The following CENPB variants were observed in gnomAD, a reference collection of about 807,000 sequenced individuals.
CENPB encodes the protein centromere protein B.
CENPB carries 19 observed loss-of-function variants against 41.9 expected under a neutral mutation model. The observed-to-expected ratio is 0.45, with a 90% CI of 0.32 to 0.67. CENPB has a LOEUF of 0.67. CENPB is among the 30% of genes least tolerant of loss of function. The pLI, the probability that CENPB is intolerant of heterozygous loss-of-function variation, is 0.04. For missense variants in CENPB, 614 were observed against 816.2 expected (o/e 0.75, Z 3.02); for synonymous variants, 399 against 354.4 (o/e 1.13, Z -1.41).
Position 3,784,540 on chromosome 20 carries a change from G to A in CENPB, c.*144C>T, listed in dbSNP as rs975214960. ...AGCCCCGGGCCCGGCCGAGGTGACC[G>A]GGCCTGTTGCAGGACCAGGGGAAGC... On this transcript the variant is annotated 3_prime_UTR_variant, in exon 1 of 1. Coordinates refer to ENST00000379751, the MANE Select transcript of CENPB (RefSeq NM_001810.6). The surrounding 1 kb of genome is among the most constrained non-coding windows in gnomAD (Gnocchi z 5.2). The A allele has an allele frequency of 5.3e-5, 50 of 950,622 alleles. No individual in the cohort carries two copies. The highest frequency in any genetic ancestry group is 1.5e-4 in the East Asian group (6 of 40,808). 58.9% of individuals were successfully genotyped at this position (950,622 alleles called of 1,614,324 possible).
At position 3,785,185 on chromosome 20, in the gene CENPB, C is replaced by T. The variant is rs755554073; in HGVS notation, c.1299G>A (p.Glu433=). The T allele has an allele frequency of 7.7e-6, 10 of 1,298,194 alleles. No homozygotes were observed. The highest frequency in any genetic ancestry group is 1.0e-5 in the Non-Finnish European group (10 of 984,428). 80.4% of individuals were successfully genotyped at this position (1,298,194 alleles called of 1,614,324 possible). The stretch of plus-strand genomic sequence containing the variant: ...ATTCCTCTCCTTCCCCCCCTTCCTC[C>T]TCCTCCTCCTCCCCTTCCTCCTCCT... ...EEEEEEGEEE[E]EEGGEGEELG... is the part of the protein sequence containing the mutation. Residue 433 remains glutamate (E), a synonymous_variant, in exon 1 of 1, where the codon GAG becomes GAA. Transcript: ENST00000379751.
Position 3,784,798 on chromosome 20 carries a change from G to A in CENPB, c.1686C>T (p.Pro562=), listed in dbSNP as rs1304837914. 6.2e-7 allele frequency: 1 copy of A among 1,614,150 alleles called. No individual in the cohort carries two copies. Among genetic ancestry groups the A allele is most frequent in the Non-Finnish European group, 8.5e-7 (1 of 1,180,010 alleles). The change falls in exon 1 of 1, where the codon CCC becomes CCT. Residue 562 remains proline, a synonymous_variant. Coordinates refer to ENST00000379751, the MANE Select transcript of CENPB (RefSeq NM_001810.6). This position sits in a 1 kb window ranked among gnomAD's most constrained non-coding sequence, Gnocchi z 5.2. Reference sequence around the variant, plus strand: ...TGTGGCTCTGCACGCGGTCATCAATGGGGAAGGAGGTCAGGTACCTCTTGA... The same window carrying A: ...TGTGGCTCTGCACGCGGTCATCAATAGGGAAGGAGGTCAGGTACCTCTTGA... ...AMVKRYLTSF[P]IDDRVQSHIL... is the part of the protein sequence containing the mutation.
Position 3,784,634 on chromosome 20 carries a change from C to A in CENPB, c.*50G>T. ...GCGGGTGCCCAGAGAGTCCTCTGCC[C>A]TGGGGTGGTGCTGCCAATCTAGGTT... On this transcript the variant is annotated 3_prime_UTR_variant, in exon 1 of 1. Coordinates refer to ENST00000379751, the MANE Select transcript of CENPB (RefSeq NM_001810.6). The surrounding 1 kb of genome is among the most constrained non-coding windows in gnomAD (Gnocchi z 5.2). 6.2e-7 allele frequency: 1 copy of A among 1,600,914 alleles called. No homozygotes were observed. The highest frequency in any genetic ancestry group is 8.5e-7 in the Non-Finnish European group (1 of 1,172,984).
chr20:3,785,247 C>T lies in CENPB; in HGVS notation c.1237G>A (p.Glu413Lys), dbSNP rs768121518. The change falls in exon 1 of 1, where the codon GAA becomes AAA. Residue 413 changes from glutamate (E) to lysine (K), a missense_variant. By Grantham distance (56) the Glu-to-Lys change is moderately conservative. Around this residue, in one of 2 missense-constraint regions of CENPB, gnomAD observed 537 missense variants for 629.4 expected, o/e 0.85. Transcript: ENST00000379751. The part of the protein sequence containing the change: ...SEGEEEEEEE[E>K]EEEEEEGEGE... Reference sequence around the variant, plus strand: ...TCACCCTCTTCCTCCTCCTCTTCTTCCTCCTCCTCCTCCTCTTCCTCTCCC... The same window carrying T: ...TCACCCTCTTCCTCCTCCTCTTCTTTCTCCTCCTCCTCCTCTTCCTCTCCC... The T allele has an allele frequency of 2.8e-6, 4 of 1,454,376 alleles. No individual in the cohort carries two copies. In the African/African-American group the frequency reaches 4.4e-5, roughly 16 times the overall value. 90.1% of individuals were successfully genotyped at this position (1,454,376 alleles called of 1,614,324 possible). A position where few individuals can be genotyped will look rare whatever the true frequency, so the allele number is the denominator to read the frequency against.
chr20:3,785,716 G>T lies in CENPB; in HGVS notation c.768C>A (p.Gly256=). 2 of 1,606,166 alleles carry T rather than the reference G, an allele frequency of 1.2e-6. No homozygotes were observed. The highest frequency in any genetic ancestry group is 2.2e-5 in the South Asian group (2 of 90,552). The part of the protein sequence containing the change: ...KSAKPRAGQA[G]LPCDYTANSK... ...AGTTGGCGGTGTAGTCGCAGGGCAGGCCGGCTTGGCCTGCGCGGGGCTTGG... is the reference window on the plus strand; with the variant it reads ...AGTTGGCGGTGTAGTCGCAGGGCAGTCCGGCTTGGCCTGCGCGGGGCTTGG... The change falls in exon 1 of 1, where the codon GGC becomes GGA. Residue 256 remains glycine, a synonymous_variant. Coordinates refer to ENST00000379751, the MANE Select transcript of CENPB (RefSeq NM_001810.6).
rs2088826423 is a variant in CENPB, at chr20:3,786,496, CCCGCCCCGGGGCCCGGCGCCGCCGCCG to C, written c.-40_-14del. ...TCTTGGGGCCCATCCCGGCGCGCCC[CCCGCCCCGGGGCCCGGCGCCGCCGCCG>C]CCGCCCCGGGGCGGGGGGCCCGGGC... On this transcript the variant is annotated 5_prime_UTR_variant, in exon 1 of 1. Coordinates refer to ENST00000379751, the MANE Select transcript of CENPB (RefSeq NM_001810.6). 1 of 1,172,292 alleles carries C rather than the reference CCCGCCCCGGGGCCCGGCGCCGCCGCCG, an allele frequency of 8.5e-7. No homozygotes were observed. Among genetic ancestry groups the C allele is most frequent in the Non-Finnish European group, 1.1e-6 (1 of 913,000 alleles). The allele number at this position is 1,172,292 out of a possible 1,614,324, so 72.6% of individuals were successfully genotyped here.
rs746568860 is a variant in CENPB at position 3,784,997 on chromosome 20, G to A, written c.1487C>T (p.Ala496Val). The change falls in exon 1 of 1, where the codon GCC becomes GTC. Residue 496 changes from alanine (A) to valine (V), a missense_variant. Coordinates refer to ENST00000379751, the MANE Select transcript of CENPB (RefSeq NM_001810.6). This position sits in a 1 kb window ranked among gnomAD's most constrained non-coding sequence, Gnocchi z 5.2. ...CAGGAAATGCAGAGTAGGGCACTGG[G>A]CTTCCTCCTGGGCACCATAAGCCCC... ...SFGAYGAQEE[A>V]QCPTLHFLEG... 2 of 1,613,878 alleles carry A rather than the reference G, an allele frequency of 1.2e-6. No homozygotes were observed. The highest frequency in any genetic ancestry group is 1.1e-5 in the South Asian group (1 of 91,068).
chr20:3,785,632 T>G lies in CENPB; in HGVS notation c.852A>C (p.Arg284=), dbSNP rs777182348. ...GGACCCGGCGAGACTCTGCAGCCAT[T>G]CGGGTGTCCAAGGCCTTCAAGTACT... ...LAKYLKALDT[R]MAAESRRVLL... is the part of the protein sequence containing the mutation. Residue 284 remains arginine, a synonymous_variant, in exon 1 of 1, where the codon CGA becomes CGC. Transcript: ENST00000379751. 3 of 1,605,886 alleles carry G rather than the reference T, an allele frequency of 1.9e-6. No homozygotes were observed. The highest frequency in any genetic ancestry group is 1.1e-5 in the South Asian group (1 of 90,100).
At position 3,784,755 on chromosome 20, in the gene CENPB, C is replaced by G; in HGVS notation, c.1729G>C (p.Asp577His). The change falls in exon 1 of 1, where the codon GAT becomes CAT. Residue 577 changes from aspartate (D) to histidine (H), a missense_variant. This residue lies in a region of CENPB where 537 missense variants were observed against 629.4 expected (regional missense o/e 0.85). Transcript: ENST00000379751. This position sits in a 1 kb window ranked among gnomAD's most constrained non-coding sequence, Gnocchi z 5.2. ...VQSHILHLEHDLVHVTRKNHA... is the reference protein window; with the variant it reads ...VQSHILHLEHHLVHVTRKNHA... ...TTCTTCCTGGTCACATGAACCAGAT[C>G]GTGTTCCAAGTGGAGGATGTGGCTC... The G allele has an allele frequency of 1.9e-6, 3 of 1,614,110 alleles. No individual in the cohort carries two copies. Among genetic ancestry groups the G allele is most frequent in the Non-Finnish European group, 2.5e-6 (3 of 1,180,020 alleles).
chr20:3,784,900 GTCT>G lies in CENPB; in HGVS notation c.1581_1583del (p.Glu527del), dbSNP rs751187420. The G allele has an allele frequency of 1.4e-5, 23 of 1,613,814 alleles. No individual in the cohort carries two copies. Among genetic ancestry groups the G allele is most frequent in the African/African-American group, 1.2e-4 (9 of 74,946 alleles). ...CACCATCCTCCTCATCATCATCGTC[GTCT>G]TCATCTTCATCATCCTCTTCCTCAT... is the stretch of plus-strand genomic sequence containing the variant. On this transcript the variant is annotated inframe_deletion, in exon 1 of 1. Coordinates refer to ENST00000379751, the MANE Select transcript of CENPB (RefSeq NM_001810.6). The surrounding 1 kb of genome is among the most constrained non-coding windows in gnomAD (Gnocchi z 5.2).
Position 3,784,785 on chromosome 20 carries a change from C to A in CENPB, c.1699G>T (p.Val567Leu), listed in dbSNP as rs2088802008. Residue 567 changes from valine to leucine, a missense_variant, in exon 1 of 1, where the codon GTG (valine) becomes TTG (leucine). By Grantham distance (32) the Val-to-Leu change is conservative (BLOSUM62 1). Transcript: ENST00000379751. This position sits in a 1 kb window ranked among gnomAD's most constrained non-coding sequence, Gnocchi z 5.2. ...TCCAAGTGGAGGATGTGGCTCTGCA[C>A]GCGGTCATCAATGGGGAAGGAGGTC... is the stretch of plus-strand genomic sequence containing the variant. Reference protein sequence around the residue: ...YLTSFPIDDRVQSHILHLEHD... With the variant: ...YLTSFPIDDRLQSHILHLEHD... The A allele has an allele frequency of 1.2e-6, 2 of 1,614,100 alleles. No homozygotes were observed. The highest frequency in any genetic ancestry group is 1.7e-6 in the Non-Finnish European group (2 of 1,180,010).
Position 3,786,549 on chromosome 20 carries a change from C to T in CENPB, c.-66G>A. 1 of 468,942 alleles carries T rather than the reference C, an allele frequency of 2.1e-6. No individual in the cohort carries two copies. The highest frequency in any genetic ancestry group is 2.8e-6 in the Non-Finnish European group (1 of 362,566). The allele number at this position is 468,942 out of a possible 1,614,324, so 29.0% of individuals were successfully genotyped here. A position where few individuals can be genotyped will look rare whatever the true frequency, so the allele number is the denominator to read the frequency against. ...CCGCCCCGGGGCGGGGGGCCCGGGC[C>T]CGTGGCGGGGGGCACCTGGCGGCCT... is the stretch of plus-strand genomic sequence containing the variant. On this transcript the variant is annotated 5_prime_UTR_variant, in exon 1 of 1. Transcript: ENST00000379751.
chr20:3,785,194 CTCCCCT>C lies in CENPB; in HGVS notation c.1284_1289del (p.Gly429_Glu430del). On this transcript the variant is annotated inframe_deletion, in exon 1 of 1. Coordinates refer to ENST00000379751, the MANE Select transcript of CENPB (RefSeq NM_001810.6). Reference sequence around the variant, plus strand: ...CTTCCCCCCCTTCCTCCTCCTCCTCCTCCCCTTCCTCCTCCTCTTCCTCTCCTTCAC... The same window carrying C: ...CTTCCCCCCCTTCCTCCTCCTCCTCCTCCTCCTCCTCTTCCTCTCCTTCAC... 1 of 1,330,018 alleles carries C rather than the reference CTCCCCT, an allele frequency of 7.5e-7. No homozygotes were observed. The allele number at this position is 1,330,018 out of a possible 1,614,324, so 82.4% of individuals were successfully genotyped here.
At position 3,785,776 on chromosome 20, in the gene CENPB, G is replaced by A. The variant is rs1483352923; in HGVS notation, c.708C>T (p.Ser236=). The A allele has an allele frequency of 3.1e-6, 5 of 1,609,234 alleles. No individual in the cohort carries two copies. The highest frequency in any genetic ancestry group is 1.7e-5 in the Admixed American group (1 of 59,700). The change falls in exon 1 of 1, where the codon AGC becomes AGT. Residue 236 remains serine (S), a synonymous_variant. Coordinates refer to ENST00000379751, the MANE Select transcript of CENPB (RefSeq NM_001810.6). ...SVLLCANADG[S]EKLPPLVAGK... ...CGGCCACCAGCGGGGGCAGCTTCTCGCTGCCGTCGGCATTGGCGCATAGCA... is the reference window on the plus strand; with the variant it reads ...CGGCCACCAGCGGGGGCAGCTTCTCACTGCCGTCGGCATTGGCGCATAGCA...
Position 3,785,554 on chromosome 20 carries a change from C to T in CENPB, c.930G>A (p.Arg310=), listed in dbSNP as rs778796408. Residue 310 remains arginine (R), a synonymous_variant, in exon 1 of 1, where the codon CGG becomes CGA. Coordinates refer to ENST00000379751, the MANE Select transcript of CENPB (RefSeq NM_001810.6). The stretch of plus-strand genomic sequence containing the variant: ...GAGGGAAGAAGGCCAGCTGCACATG[C>T]CGCAGGCCCGAGGTGTCCAAGGACT... ...AAQSLDTSGL[R]HVQLAFFPPG... is the part of the protein sequence containing the mutation. The T allele has an allele frequency of 3.8e-6, 6 of 1,598,584 alleles. No homozygotes were observed. The highest frequency in any genetic ancestry group is 2.3e-5 in the East Asian group (1 of 44,126).
chr20:3,785,806 G>A lies in CENPB; in HGVS notation c.678C>T (p.Ser226=). ...CGTCGGCATTGGCGCATAGCAGGAC[G>A]CTCAGGCGCTGGGTGGCTTGACGCG... ...GRPRQATQRL[S]VLLCANADGS... is the part of the protein sequence containing the mutation. Residue 226 remains serine (S), a synonymous_variant, in exon 1 of 1, where the codon AGC becomes AGT. Coordinates refer to ENST00000379751, the MANE Select transcript of CENPB (RefSeq NM_001810.6). 1 of 1,609,500 alleles carries A rather than the reference G, an allele frequency of 6.2e-7. No individual in the cohort carries two copies. Among genetic ancestry groups the A allele is most frequent in the Non-Finnish European group, 8.5e-7 (1 of 1,178,224 alleles).
Position 3,786,567 on chromosome 20 carries a change from G to A in CENPB, c.-84C>T. The A allele has an allele frequency of 2.9e-6, 1 of 343,462 alleles. No individual in the cohort carries two copies. The highest frequency in any genetic ancestry group is 4.0e-6 in the Non-Finnish European group (1 of 247,918). 21.3% of individuals were successfully genotyped at this position (343,462 alleles called of 1,614,324 possible). On this transcript the variant is annotated 5_prime_UTR_variant, in exon 1 of 1. Transcript: ENST00000379751. ...CCCGGGCCCGTGGCGGGGGGCACCT[G>A]GCGGCCTCTCCCGCGCGCCCCGCCC...
At position 3,785,761 on chromosome 20, in the gene CENPB, C is replaced by A; in HGVS notation, c.723G>T (p.Pro241=). The part of the protein sequence containing the change: ...ANADGSEKLP[P]LVAGKSAKPR... ...GCTTGGCCGACTTGCCGGCCACCAG[C>A]GGGGGCAGCTTCTCGCTGCCGTCGG... Residue 241 remains proline, a synonymous_variant, in exon 1 of 1, where the codon CCG becomes CCT. Transcript: ENST00000379751. 6.2e-7 allele frequency: 1 copy of A among 1,608,946 alleles called. No individual in the cohort carries two copies. The highest frequency in any genetic ancestry group is 8.5e-7 in the Non-Finnish European group (1 of 1,177,760).
rs766268613 is a variant in CENPB, at chr20:3,784,697, C to G, written c.1787G>C (p.Gly596Ala). The G allele has an allele frequency of 2.7e-5, 44 of 1,614,018 alleles. 1 individual carries two copies. The South Asian group carries it at 4.8e-4, about 18-fold the overall frequency. ...HARQAGVRGL[G>A]HQS ...AGGTCCAGTGACTCAGCTTTGATGT[C>G]CAAGACCTCGAACTCCCGCCTGCCT... is the stretch of plus-strand genomic sequence containing the variant. The change falls in exon 1 of 1, where the codon GGA becomes GCA. Residue 596 changes from glycine to alanine, a missense_variant. Transcript: ENST00000379751. This position sits in a 1 kb window ranked among gnomAD's most constrained non-coding sequence, Gnocchi z 5.2.
Sources: allele counts gnomAD v4.1 joint callset, GRCh38; gene constraint gnomAD v4.1.1; regional missense constraint gnomAD v4.1.1; non-coding constraint Gnocchi (gnomAD v3.1); transcripts MANE v1.5; gene names NCBI Gene and HGNC (gene_info 2026-07-23, HGNC 2026-07-21).